Variants in PCDHA12 observed in about 807,000 individuals in gnomAD.
The protein encoded by PCDHA12 is protocadherin alpha-12.
Under a neutral mutation model 60.0 loss-of-function variants are expected in PCDHA12, and 44 were observed. That is an observed-to-expected ratio of 0.73 (90% CI 0.58 to 0.94). The LOEUF is 0.94. Ranked by LOEUF, PCDHA12 falls within the 40% of genes least tolerant of loss-of-function variation. PCDHA12 has a pLI of 0.00. For synonymous variants in PCDHA12, 569 were observed against 553.0 expected, an observed-to-expected ratio of 1.03 and a Z score of -0.40; for missense variants, 1,276 against 1,239.7, an observed-to-expected ratio of 1.03 and a Z score of -0.44.
intron 1 of PCDHA12, among the ~76,000 whole-genome samples, chr5:140,953,720 G>C (rs2094928996): frequency 6.6e-6 from 1 of 152,068 alleles, no homozygotes; most frequent in African/African-American, 2.4e-5. Flanking sequence ...CAGACATTGT[G>C]TTTTGAAATT....
chr5:141,000,393 CTCTATATATATA>C (rs1208951211), intron 3 of PCDHA12, among the ~76,000 whole-genome samples: 9 of 52,848 alleles, frequency 1.7e-4, no homozygotes, highest in African/African-American at 6.4e-4. Context: ...CTCTCTCTCT[CTCTATATATATA>C]TATATATATA....
intron 1 of PCDHA12, among the ~76,000 whole-genome samples, chr5:140,889,199 T>C (rs1399579598): frequency 1.3e-5 from 2 of 151,896 alleles, no homozygotes; most frequent in African/African-American, 4.8e-5. Context: ...ATAACTTGAA[T>C]ACTTAACAAA....
At chr5:140,926,854 G>C (rs1554203742) in intron 1 of PCDHA12, 3 of 1,520,530 alleles carry the variant, frequency 2.0e-6, no homozygotes, top group South Asian at 2.6e-5. Flanking sequence ...GTCACCGTTG[G>C]TGTAGCGTGT....
intron 3 of PCDHA12, among the ~76,000 whole-genome samples, chr5:140,992,954 C>G (rs1174073844): frequency 6.6e-6 from 1 of 152,190 alleles, no homozygotes; most frequent in Non-Finnish European, 1.5e-5. Context: ...TTAAATCACC[C>G]CTTATACTGC....
intron 1 of PCDHA12, chr5:140,884,747 T>A: frequency 7.0e-7 from 1 of 1,433,190 alleles, no homozygotes; most frequent in African/African-American, 1.4e-5. Context: ...TCCTGCCAAT[T>A]TCAAATTATT....
intron 1 of PCDHA12, among the ~76,000 whole-genome samples, chr5:140,963,686 G>A (rs181667037): frequency 2.7e-4 from 41 of 152,226 alleles, no homozygotes; most frequent in Middle Eastern, 3.4e-3. Flanking sequence ...GTGTTTATCC[G>A]TGTTTGATAT....
intron 1 of PCDHA12, chr5:140,930,358 T>G (rs1253370170): frequency 6.6e-6 from 1 of 152,216 alleles, no homozygotes; most frequent in Non-Finnish European, 1.5e-5. Context: ...AATATTTCAA[T>G]TTATCTGTTA....
At chr5:140,967,518 A>T (rs1554229639) in intron 1 of PCDHA12, 1 of 1,612,930 alleles carries the variant, frequency 6.2e-7, no homozygotes, top group Non-Finnish European at 8.5e-7. Flanking sequence ...CTGGACACTA[A>T]CGACAACTCT....
intron 3 of PCDHA12, among the ~76,000 whole-genome samples, chr5:141,003,809 G>C (rs1554259330): frequency 6.6e-6 from 1 of 152,290 alleles, no homozygotes; most frequent in African/African-American, 2.4e-5. Flanking sequence ...GTAATCTGTA[G>C]TCTGGGAAGG....
chr5:140,986,834 C>T (rs2097214742), intron 3 of PCDHA12, among the ~76,000 whole-genome samples: 1 of 152,104 alleles, frequency 6.6e-6, no homozygotes. Context: ...CAATGGTTCT[C>T]AAAGGGGCAG....
At chr5:140,974,284 G>C (rs1409183152) in intron 1 of PCDHA12, among the ~76,000 whole-genome samples, 2 of 152,092 alleles carry the variant, frequency 1.3e-5, no homozygotes, top group Non-Finnish European at 2.9e-5. Flanking sequence ...CAGAACTCTG[G>C]GCTCCAAGGA....
At chr5:140,907,857 G>C (rs1554193158) in intron 1 of PCDHA12, among the ~76,000 whole-genome samples, 1 of 152,210 alleles carries the variant, frequency 6.6e-6, no homozygotes, top group Non-Finnish European at 1.5e-5. Flanking sequence ...CTCTGCTGAG[G>C]CCAGCCGTTG....
chr5:140,954,543 A>G (rs1344952646), intron 1 of PCDHA12, among the ~76,000 whole-genome samples: 1 of 151,924 alleles, frequency 6.6e-6, no homozygotes, highest in Non-Finnish European at 1.5e-5. Flanking sequence ...TTTTTTTCAT[A>G]TGTTTGTTGG....
At chr5:140,926,925 G>A (rs1554203816) in intron 1 of PCDHA12, 1 of 1,574,118 alleles carries the variant, frequency 6.4e-7, no homozygotes, top group Admixed American at 1.8e-5. Flanking sequence ...TTTTATGTTT[G>A]TGGGTTTCCT....
Position 140,876,970 on chromosome 5 carries a change from G to C in PCDHA12, c.1498G>C (p.Gly500Arg). The change falls in exon 1 of 4, where the codon GGC becomes CGC. Residue 500 changes from glycine to arginine, a missense_variant. Gly to Arg is a moderately radical substitution (Grantham distance 125). Transcript: ENST00000398631. ...VSYSLVERRV[G>R]EHALSSYVSV... ...CTACTCGCTGGTGGAGCGGCGGGTG[G>C]GCGAGCACGCACTGTCGAGCTACGT... 6.2e-7 allele frequency: 1 copy of C among 1,612,850 alleles called. No individual in the cohort carries two copies.
At chr5:140,973,325 A>G (rs180770098) in intron 1 of PCDHA12, among the ~76,000 whole-genome samples, 71 of 152,216 alleles carry the variant, frequency 4.7e-4, no homozygotes, top group African/African-American at 1.7e-3. Context: ...CAGAGTTTAC[A>G]CTCGTTGTAA....
intron 1 of PCDHA12, among the ~76,000 whole-genome samples, chr5:140,946,611 A>AAT (rs1554217734): frequency 0.018 from 1,579 of 86,716 alleles, 89 homozygotes; most frequent in African/African-American, 0.026. Flanking sequence ...GAAAATGTGA[A>AAT]ATATATATAT....
chr5:140,957,937 A>G (rs2095399590), intron 1 of PCDHA12, among the ~76,000 whole-genome samples: 1 of 152,112 alleles, frequency 6.6e-6, no homozygotes, highest in Admixed American at 6.5e-5. Flanking sequence ...AAATAATTTA[A>G]AGATCTTTAA....
chr5:141,006,465 G>T (rs1338372692), intron 3 of PCDHA12, among the ~76,000 whole-genome samples: 3 of 151,948 alleles, frequency 2.0e-5, no homozygotes, highest in Non-Finnish European at 4.4e-5. Context: ...TGCCTGTCTC[G>T]GCCTCCCAAA....
Sources: gnomAD v4.1 joint callset for allele counts (sites outside exome capture counted in the v4.1 genomes callset) on GRCh38, gnomAD v4.1.1 for gene constraint, MANE v1.5 for transcripts, NCBI Gene and HGNC (gene_info 2026-07-23, HGNC 2026-07-21) for gene names.